Variants in LPP observed in about 807,000 individuals in gnomAD.
The protein encoded by LPP is LIM domain containing preferred translocation partner in lipoma.
In LPP, 38 loss-of-function variants were observed where a neutral mutation model predicts 60.4. The ratio of observed to expected loss-of-function variants is 0.63; its 90% CI spans 0.49 to 0.83. LPP has a LOEUF of 0.83. Ranked by LOEUF, LPP falls within the 40% of genes least tolerant of loss-of-function variation. The pLI is 0.00. For missense variants in LPP, 902 were observed against 783.6 expected (o/e 1.15, Z -1.80); for synonymous variants, 328 against 290.8 (o/e 1.13, Z -1.30).
chr3:188,748,898 G>T (rs1727163802), intron 8 of LPP, among the ~76,000 whole-genome samples: 1 of 152,142 alleles, frequency 6.6e-6, no homozygotes, highest in Non-Finnish European at 1.5e-5. Context: ...ACCAGCTATG[G>T]TCAAACAGGG....
chr3:188,226,825 C>T (rs73057639), intron 2 of LPP, among the ~76,000 whole-genome samples: 2,519 of 152,194 alleles, frequency 0.017, 64 homozygotes, highest in African/African-American at 0.055. Context: ...TGTGTTTTGT[C>T]TCTCTGTCTT....
At chr3:188,770,836 C>T (rs759563163) in intron 9 of LPP, among the ~76,000 whole-genome samples, 7 of 152,166 alleles carry the variant, frequency 4.6e-5, no homozygotes, top group Non-Finnish European at 8.8e-5. Flanking sequence ...CTGCATTCTT[C>T]CCTTTACTTT....
At chr3:188,167,749 A>G (rs1216546920) in intron 1 of LPP, among the ~76,000 whole-genome samples, 1 of 152,150 alleles carries the variant, frequency 6.6e-6, no homozygotes, top group African/African-American at 2.4e-5. Flanking sequence ...TTATAGCACA[A>G]AAGTCCCAAC....
intron 6 of LPP, among the ~76,000 whole-genome samples, chr3:188,589,794 A>G (rs1838277645): frequency 6.6e-6 from 1 of 152,236 alleles, no homozygotes; most frequent in East Asian, 1.9e-4. Context: ...TTATTATTAC[A>G]TTTTTAAAAT....
At chr3:188,677,887 T>A (rs988577592) in intron 7 of LPP, among the ~76,000 whole-genome samples, 3 of 152,114 alleles carry the variant, frequency 2.0e-5, no homozygotes, top group Admixed American at 6.5e-5. Flanking sequence ...TGGGATTGTT[T>A]ACTCAAAGAC....
At chr3:188,446,350 G>A (rs1315561618) in intron 4 of LPP, among the ~76,000 whole-genome samples, 1 of 152,152 alleles carries the variant, frequency 6.6e-6, no homozygotes, top group Admixed American at 6.5e-5. Context: ...CTCTCCAGAC[G>A]CCGTGCCAGT....
intron 1 of LPP, chr3:188,179,038 C>CAGAG (rs10616335): frequency 0.036 from 6,035 of 168,678 alleles, 396 homozygotes; most frequent in Non-Finnish European, 0.05. Context: ...GGGAGAGAGA[C>CAGAG]AGAGAGAGAG....
At chr3:188,611,081 T>C (rs931145995) in intron 7 of LPP, among the ~76,000 whole-genome samples, 3 of 152,230 alleles carry the variant, frequency 2.0e-5, no homozygotes, top group Admixed American at 6.5e-5. Context: ...GTTTTTCTTA[T>C]ATGAAAGCGT....
intron 2 of LPP, among the ~76,000 whole-genome samples, chr3:188,274,556 G>C (rs764616287): frequency 2.0e-5 from 3 of 152,168 alleles, no homozygotes; most frequent in Non-Finnish European, 4.4e-5. Flanking sequence ...GGGAGGAGGG[G>C]CATGGACCTG....
At chr3:188,365,219 A>T (rs964359243) in intron 3 of LPP, among the ~76,000 whole-genome samples, 1 of 151,950 alleles carries the variant, frequency 6.6e-6, no homozygotes, top group African/African-American at 2.4e-5. Context: ...CTCTGCCATT[A>T]AAAATAAATC....
intron 9 of LPP, among the ~76,000 whole-genome samples, chr3:188,806,271 A>G (rs1315140228): frequency 1.3e-5 from 2 of 151,884 alleles, no homozygotes; most frequent in African/African-American, 2.4e-5. Context: ...GTGCACATAC[A>G]TTAGGATTGT....
intron 7 of LPP, among the ~76,000 whole-genome samples, chr3:188,688,436 C>T (rs1413354155): frequency 6.6e-6 from 1 of 152,178 alleles, no homozygotes; most frequent in Non-Finnish European, 1.5e-5. Context: ...GCAGATATAT[C>T]CCTTCTTGGC....
Position 188,355,828 on chromosome 3 carries a change from C to T in LPP, c.-10+14109C>T, listed in dbSNP as rs188328308. On this transcript the variant is annotated intron_variant, in intron 3 of 11. Transcript: ENST00000617246. ...GTGTCTCATAATGTCTTTTGCTCAA[C>T]ACTCTCGTAGGCTCCTCACACTTTT... is the stretch of plus-strand genomic sequence containing the variant. Among the ~76,000 whole-genome samples the T allele has an allele frequency of 1.3e-4, 20 of 152,278 alleles. No homozygotes were observed. The East Asian group carries it at 1.5e-3, about 12-fold the overall frequency.
At chr3:188,459,979 T>C (rs1798631820) in intron 4 of LPP, among the ~76,000 whole-genome samples, 1 of 152,212 alleles carries the variant, frequency 6.6e-6, no homozygotes, top group Admixed American at 6.5e-5. Flanking sequence ...GGAAATACTG[T>C]CGAAGACATG....
At position 188,726,352 on chromosome 3, in the gene LPP, T is replaced by A. The variant is rs181353615; in HGVS notation, c.1240+17959T>A. Among the ~76,000 whole-genome samples, 406 of 152,226 alleles carry A rather than the reference T, an allele frequency of 2.7e-3. 1 individual carries two copies. The highest frequency in any genetic ancestry group is 9.2e-3 in the African/African-American group (382 of 41,560). On this transcript the variant is annotated intron_variant, in intron 8 of 11. Transcript: ENST00000617246. ...GGTGGGTAATGACATCACTAAGTGA[T>A]GTGAGAAAAAGAGAAGGAGTTCAGT...
intron 3 of LPP, among the ~76,000 whole-genome samples, chr3:188,390,647 C>T (rs1020054534): frequency 6.6e-6 from 1 of 151,434 alleles, no homozygotes; most frequent in African/African-American, 2.4e-5. Flanking sequence ...TCTACAAAAA[C>T]TCCTTCTCAT....
intron 9 of LPP, among the ~76,000 whole-genome samples, chr3:188,811,243 A>T (rs1750851819): frequency 6.6e-6 from 1 of 152,010 alleles, no homozygotes; most frequent in Non-Finnish European, 1.5e-5. Flanking sequence ...CACATCCCCA[A>T]GCATTAACTG....
At chr3:188,589,906 A>G (rs7626647) in intron 6 of LPP, among the ~76,000 whole-genome samples, 148,843 of 152,332 alleles carry the variant, frequency 0.98, 72,808 homozygotes, top group Middle Eastern at 1. Context: ...GCTATTGTTT[A>G]CAACAGTTTT....
At chr3:188,351,311 G>A (rs1765763403) in intron 3 of LPP, among the ~76,000 whole-genome samples, 1 of 152,134 alleles carries the variant, frequency 6.6e-6, no homozygotes, top group African/African-American at 2.4e-5. Flanking sequence ...AACCTATCTA[G>A]TCCAGCTCCC....
Sources: allele counts gnomAD v4.1 joint callset (sites outside exome capture counted in the v4.1 genomes callset), GRCh38; gene constraint gnomAD v4.1.1; transcripts MANE v1.5; gene names NCBI Gene and HGNC (gene_info 2026-07-23, HGNC 2026-07-21).